The following MICAL3 variants were observed in gnomAD, a reference collection of about 807,000 sequenced individuals.
The protein encoded by MICAL3 is [F-actin]-monooxygenase MICAL3.
A neutral mutation model predicts 207.4 loss-of-function variants in MICAL3; 62 were observed. The observed-to-expected ratio is 0.30, with a 90% CI of 0.24 to 0.37. MICAL3 has a LOEUF of 0.37. Among genes scored for constraint, MICAL3 ranks in the 10% least tolerant of loss-of-function variants. The probability of loss-of-function intolerance (pLI) is 1.00; values close to 1 mark genes in which losing one functional copy is unlikely to be tolerated. For synonymous variants in MICAL3, 1,077 were observed against 1,069.3 expected (o/e 1.01, Z -0.14); for missense variants, 2,368 against 2,635.6 (o/e 0.90, Z 2.22).
chr22:17,832,640 A>C (rs1479565429), intron 20 of MICAL3, among the ~76,000 whole-genome samples: 1 of 152,192 alleles, frequency 6.6e-6, no homozygotes, highest in Non-Finnish European at 1.5e-5. Context: ...GGAATTGAGA[A>C]TGGAAAGTCT....
At chr22:17,792,155 C>A (rs751131623) in intron 29 of MICAL3, among the ~76,000 whole-genome samples, 2 of 152,218 alleles carry the variant, frequency 1.3e-5, no homozygotes, top group Non-Finnish European at 2.9e-5. Flanking sequence ...AGGGACCAAG[C>A]CACCCAACGA....
chr22:17,862,904 T>C (rs1926671497), intron 19 of MICAL3: 1 of 985,432 alleles, frequency 1.0e-6, no homozygotes, highest in Non-Finnish European at 1.2e-6. Context: ...GTGATTCCTT[T>C]GGGACACCAC....
chr22:17,816,845 C>G (rs1244334668), intron 26 of MICAL3, 61 bp from the exon 27 acceptor site: 2 of 1,236,798 alleles, frequency 1.6e-6, no homozygotes, highest in East Asian at 5.1e-5. Flanking sequence ...CCCTCTCCTG[C>G]TCCTATGCTC....
Position 17,899,354 on chromosome 22 carries a change from T to C in MICAL3, c.948+94A>G, listed in dbSNP as rs1458186951. The C allele has an allele frequency of 3.5e-6, 3 of 852,408 alleles. No homozygotes were observed. In the Admixed American group the frequency reaches 6.0e-5, roughly 17 times the overall value. The allele number at this position is 852,408 out of a possible 1,614,324, so 52.8% of individuals were successfully genotyped here. A position where few individuals can be genotyped will look rare whatever the true frequency, so the allele number is the denominator to read the frequency against. On this transcript the variant is annotated intron_variant, in intron 7 of 31. Coordinates refer to ENST00000441493, the MANE Select transcript of MICAL3 (RefSeq NM_015241.3). ...AAGATGCATTCAGTGCTCATTTTCATTCCCTTGCAGGAAAAACCCATCAGA... is the reference window on the plus strand; with the variant it reads ...AAGATGCATTCAGTGCTCATTTTCACTCCCTTGCAGGAAAAACCCATCAGA...
intron 27 of MICAL3, chr22:17,812,631 A>G (rs966973489): frequency 2.7e-6 from 2 of 738,394 alleles, no homozygotes; most frequent in Non-Finnish European, 3.3e-6. Context: ...AAAAATTAAG[A>G]ACACAGAAAT....
intron 16 of MICAL3, among the ~76,000 whole-genome samples, chr22:17,877,279 GGGAGGTTATGGAGGTTAGGGAGGTTAT>G (rs1928758132): frequency 9.2e-5 from 6 of 65,332 alleles, no homozygotes; most frequent in Non-Finnish European, 1.7e-4. Flanking sequence ...ATGGAGGTTA[GGGAGGTTATGGAGGTTAGGGAGGTTAT>G]GGAGGTTAGG....
chr22:18,003,972 G>A (rs548546517), intron 1 of MICAL3, among the ~76,000 whole-genome samples: 1 of 152,266 alleles, frequency 6.6e-6, no homozygotes, highest in Admixed American at 6.5e-5. Flanking sequence ...GTTTCGCCAT[G>A]TTGGCCAGGA....
At chr22:17,938,687 CG>C (rs2146332819) in intron 1 of MICAL3, among the ~76,000 whole-genome samples, 1 of 152,304 alleles carries the variant, frequency 6.6e-6, no homozygotes, top group East Asian at 1.9e-4. Context: ...AAGGACTAAA[CG>C]GAAGCGTGGC....
At chr22:17,973,470 A>C (rs1318271847) in intron 1 of MICAL3, among the ~76,000 whole-genome samples, 1 of 152,210 alleles carries the variant, frequency 6.6e-6, no homozygotes, top group Non-Finnish European at 1.5e-5. Context: ...CACATAGGTC[A>C]TGATAGTGGA....
At chr22:17,987,081 TA>T (rs977580917) in intron 1 of MICAL3, among the ~76,000 whole-genome samples, 3 of 147,694 alleles carry the variant, frequency 2.0e-5, no homozygotes, top group Non-Finnish European at 1.5e-5. Context: ...CCACTAAAAA[TA>T]AAAAAAAAAT....
intron 1 of MICAL3, among the ~76,000 whole-genome samples, chr22:17,961,346 T>A (rs1297965526): frequency 1.3e-5 from 2 of 152,168 alleles, no homozygotes; most frequent in Non-Finnish European, 2.9e-5. Context: ...CGCTGGGTCC[T>A]ACTAGAGGCA....
chr22:17,900,893 C>T lies in MICAL3; in HGVS notation c.796G>A (p.Val266Met). The T allele has an allele frequency of 6.2e-7, 1 of 1,614,028 alleles. No individual in the cohort carries two copies. The highest frequency in any genetic ancestry group is 1.1e-5 in the South Asian group (1 of 91,078). Residue 266 changes from valine (V) to methionine (M), a missense_variant, in exon 6 of 32, where the codon GTG (valine) becomes ATG (methionine). By Grantham distance (21) the Val-to-Met change is conservative (BLOSUM62 1). Coordinates refer to ENST00000441493, the MANE Select transcript of MICAL3 (RefSeq NM_015241.3). The surrounding 1 kb of genome is among the most constrained non-coding windows in gnomAD (Gnocchi z 4.0). ...AATTTTTGGTTGAATATAAAAGCCA[C>T]ACCACTGATCTCTTCCACTTTAGCT... ...AEAKVEEISG[V>M]AFIFNQKFFQ...
At position 17,818,655 on chromosome 22, in the gene MICAL3, G is replaced by A. The variant is rs755118993; in HGVS notation, c.4006C>T (p.Arg1336Cys). ...EFWMKSAEIR[R>C]SLGLTPVDRS... ...TCCACAGGTGTGAGCCCGAGGCTGC[G>A]GCGGATCTCCGCACTCTTCATCCAG... is the stretch of plus-strand genomic sequence containing the variant. Residue 1336 changes from arginine (R) to cysteine (C), a missense_variant, in exon 26 of 32, where the codon CGC becomes TGC. Transcript: ENST00000441493. 5.0e-6 allele frequency: 8 copies of A among 1,613,504 alleles called. No homozygotes were observed. The highest frequency in any genetic ancestry group is 1.3e-5 in the African/African-American group (1 of 74,934).
chr22:17,960,458 G>A (rs1190433835), intron 1 of MICAL3, among the ~76,000 whole-genome samples: 1 of 152,204 alleles, frequency 6.6e-6, no homozygotes, highest in African/African-American at 2.4e-5. Context: ...TGTCCTCATG[G>A]AGCTTCGTTC....
At chr22:17,828,209 C>T (rs770036115) in intron 21 of MICAL3, among the ~76,000 whole-genome samples, 27 of 152,238 alleles carry the variant, frequency 1.8e-4, no homozygotes, top group Non-Finnish European at 3.2e-4. Context: ...TGTGAGACCC[C>T]AGGATGCACT....
At chr22:17,950,084 G>A (rs1208123501) in intron 1 of MICAL3, among the ~76,000 whole-genome samples, 1 of 152,150 alleles carries the variant, frequency 6.6e-6, no homozygotes, top group East Asian at 1.9e-4. Flanking sequence ...AGGAAGAGAG[G>A]AAACAGTGTT....
intron 20 of MICAL3, 51 bp from the exon 21 acceptor site, chr22:17,832,158 G>A (rs2146043845): frequency 6.5e-7 from 1 of 1,532,826 alleles, no homozygotes; most frequent in East Asian, 2.4e-5. Flanking sequence ...GAAAAACTGA[G>A]AAGGGGAAGG....
chr22:17,790,668 G>A lies in MICAL3; in HGVS notation c.*64C>T. 1 of 1,462,500 alleles carries A rather than the reference G, an allele frequency of 6.8e-7. No individual in the cohort carries two copies. The highest frequency in any genetic ancestry group is 2.5e-5 in the East Asian group (1 of 40,318). The allele number at this position is 1,462,500 out of a possible 1,614,324, so 90.6% of individuals were successfully genotyped here. The stretch of plus-strand genomic sequence containing the variant: ...AGGCCTCCTCAGATCGCGGCTCCGG[G>A]TGGTTTGGATGCCACTGCCTGGCCA... On this transcript the variant is annotated 3_prime_UTR_variant, in exon 32 of 32. Coordinates refer to ENST00000441493, the MANE Select transcript of MICAL3 (RefSeq NM_015241.3).
chr22:17,893,728 G>A (rs1042749776), intron 11 of MICAL3, 80 bp downstream of exon 11: 10 of 1,060,734 alleles, frequency 9.4e-6, no homozygotes, highest in African/African-American at 4.7e-5. Flanking sequence ...GCCTCGGACC[G>A]CACCTTGTGG....
Sources: allele counts gnomAD v4.1 joint callset (sites outside exome capture counted in the v4.1 genomes callset), GRCh38; gene constraint gnomAD v4.1.1; non-coding constraint Gnocchi (gnomAD v3.1); transcripts MANE v1.5; gene names NCBI Gene and HGNC (gene_info 2026-07-23, HGNC 2026-07-21).